PDZD7: variants seen among roughly 807,000 people sequenced by gnomAD.
PDZD7 encodes the protein PDZ domain-containing protein 7.
In PDZD7, 72 loss-of-function variants were observed where a neutral mutation model predicts 84.7. That is an observed-to-expected ratio of 0.85 (90% CI 0.70 to 1.03). The LOEUF (loss-of-function observed/expected upper bound fraction) is 1.03, where lower values mean the gene tolerates loss of function less well. PDZD7 is among the 50% of genes least tolerant of loss of function. The pLI is 0.00. For synonymous variants in PDZD7, 594 were observed against 580.7 expected, an observed-to-expected ratio of 1.02 and a Z score of -0.33; for missense variants, 1,490 against 1,412.9, an observed-to-expected ratio of 1.05 and a Z score of -0.87.
At chr10:101,027,116 C>A (rs972126872) in intron 2 of PDZD7, among the ~76,000 whole-genome samples, 72 of 152,288 alleles carry the variant, frequency 4.7e-4, no homozygotes, top group African/African-American at 1.7e-3. Context: ...TATACAGTAC[C>A]CAGAGTCAGC....
chr10:101,019,053 GC>G lies in PDZD7; in HGVS notation c.1092del (p.Arg365GlyfsTer74), dbSNP rs1852886072. ...TCCGTCTGCATGGCTGTGTCCGCCCGCCCCCAGCCTGGGCCGCGGCTGCCGG... is the reference window on the plus strand; with the variant it reads ...TCCGTCTGCATGGCTGTGTCCGCCCGCCCCAGCCTGGGCCGCGGCTGCCGG... Reference protein sequence around the residue: ...EEPGSRGPGWGRADTAMQTEP... With the variant: ...EEPGSRGPGWXRADTAMQTEP... On this transcript the variant is annotated frameshift_variant, in exon 8 of 17. Transcript: ENST00000619208. LOFTEE classifies it high-confidence loss of function. 6.3e-7 allele frequency: 1 copy of G among 1,576,240 alleles called. No homozygotes were observed. The highest frequency in any genetic ancestry group is 8.6e-7 in the Non-Finnish European group (1 of 1,166,516).
rs755453853 is a variant in PDZD7, at chr10:101,024,000, A to G, written c.295T>C (p.Phe99Leu). The change falls in exon 3 of 17, where the codon TTC (phenylalanine) becomes CTC (leucine). Residue 99 changes from phenylalanine (F) to leucine (L), a missense_variant. Transcript: ENST00000619208. ...VEKSPAGRLG[F>L]SVRGGSEHGL... ...TGCTCTGAGCCCCCGCGCACGCTGAAGCCCAGCCTCCCTGCTGGACTCTTC... is the reference window on the plus strand; with the variant it reads ...TGCTCTGAGCCCCCGCGCACGCTGAGGCCCAGCCTCCCTGCTGGACTCTTC... The G allele has an allele frequency of 6.2e-7, 1 of 1,614,244 alleles. No individual in the cohort carries two copies. The highest frequency in any genetic ancestry group is 1.1e-5 in the South Asian group (1 of 91,086).
intron 7 of PDZD7, among the ~76,000 whole-genome samples, chr10:101,019,560 TC>T (rs1852945001): frequency 3.7e-5 from 5 of 134,034 alleles, no homozygotes; most frequent in African/African-American, 1.5e-4. Context: ...CTCCTCCTCC[TC>T]CTCCTCCTCC....
At chr10:101,023,635 G>A (rs1303682722) in intron 3 of PDZD7, 25 bp from the exon 4 acceptor site, 2 of 1,608,400 alleles carry the variant, frequency 1.2e-6, no homozygotes, top group South Asian at 1.1e-5. Context: ...GGGAGTGGCT[G>A]GCATGGGTCC....
At chr10:101,019,752 A>C (rs1391723486) in intron 7 of PDZD7, among the ~76,000 whole-genome samples, 1 of 150,906 alleles carries the variant, frequency 6.6e-6, no homozygotes, top group East Asian at 2.0e-4. Flanking sequence ...CAGCTTCCCA[A>C]GTAGCTGGTA....
chr10:101,014,252 C>T (rs1192388895), intron 11 of PDZD7, among the ~76,000 whole-genome samples: 2 of 152,074 alleles, frequency 1.3e-5, no homozygotes, highest in Admixed American at 6.6e-5. Flanking sequence ...GGGCTACATG[C>T]CCCAGTCACT....
chr10:101,022,274 G>T lies in PDZD7; in HGVS notation c.654C>A (p.Asp218Glu), dbSNP rs757738368. 2 of 1,614,248 alleles carry T rather than the reference G, an allele frequency of 1.2e-6. No homozygotes were observed. Among genetic ancestry groups the T allele is most frequent in the Non-Finnish European group, 1.7e-6 (2 of 1,180,054 alleles). Residue 218 changes from aspartate to glutamate, a missense_variant, in exon 5 of 17, where the codon GAC becomes GAA. Coordinates refer to ENST00000619208, the MANE Select transcript of PDZD7 (RefSeq NM_001195263.2). ...GGATGTTGAAGCCCAGGCAGAAGTC[G>T]TCGGAGGTTGTGTATAGGTGGACGA... ...RRIVHLYTTS[D>E]DFCLGFNIRG...
At chr10:101,016,269 T>C in intron 10 of PDZD7, 108 bp downstream of exon 10, 2 of 1,166,910 alleles carry the variant, frequency 1.7e-6, no homozygotes, top group Non-Finnish European at 2.5e-6. Flanking sequence ...TCCCCCATGC[T>C]TGACCCTGAC....
In PDZD7 at chr10:101,008,578, G is replaced by T. The variant is rs1273046835; in HGVS notation, c.2991C>A (p.Pro997=). ...AHWLPEPPTN[P]QTPPTDARLL... is the part of the protein sequence containing the mutation. The stretch of plus-strand genomic sequence containing the variant: ...GCCTGGCATCAGTGGGAGGAGTCTG[G>T]GGATTGGTGGGAGGTTCTGGGAGCC... The change falls in exon 17 of 17, where the codon CCC becomes CCA. Residue 997 remains proline (P), a synonymous_variant. Transcript: ENST00000619208. The T allele has an allele frequency of 1.3e-6, 2 of 1,535,868 alleles. No individual in the cohort carries two copies. The highest frequency in any genetic ancestry group is 1.7e-6 in the Non-Finnish European group (2 of 1,146,862).
intron 2 of PDZD7, among the ~76,000 whole-genome samples, chr10:101,026,013 A>C (rs1937676727): frequency 6.6e-6 from 1 of 152,204 alleles, no homozygotes; most frequent in Non-Finnish European, 1.5e-5. Flanking sequence ...ACCTGGCTAC[A>C]AAGGGAAAGA....
At chr10:101,008,919 G>A in intron 16 of PDZD7, 69 bp from the exon 17 acceptor site, 1 of 1,438,086 alleles carries the variant, frequency 7.0e-7, no homozygotes, top group South Asian at 1.5e-5. Context: ...CAACCTGAAG[G>A]CAGCATCTTC....
intron 11 of PDZD7, among the ~76,000 whole-genome samples, chr10:101,014,359 C>G (rs1307352961): frequency 6.6e-6 from 1 of 152,010 alleles, no homozygotes; most frequent in African/African-American, 2.4e-5. Flanking sequence ...GGTGGTTGAG[C>G]TCGGCAGGTG....
At chr10:101,014,078 C>T (rs1418965003) in intron 11 of PDZD7, among the ~76,000 whole-genome samples, 2 of 150,678 alleles carry the variant, frequency 1.3e-5, no homozygotes, top group African/African-American at 2.4e-5. Context: ...AGGCTGGTCT[C>T]GAACTCCTGA....
chr10:101,021,825 G>A lies in PDZD7; in HGVS notation c.840C>T (p.Gly280=). 1 of 1,614,084 alleles carries A rather than the reference G, an allele frequency of 6.2e-7. No individual in the cohort carries two copies. The highest frequency in any genetic ancestry group is 1.6e-4 in the Middle Eastern group (1 of 6,062). The change falls in exon 6 of 17, where the codon GGC becomes GGT. Residue 280 remains glycine, a synonymous_variant. Coordinates refer to ENST00000619208, the MANE Select transcript of PDZD7 (RefSeq NM_001195263.2). ...TGATGGTCAGCATGATGTGCGTTTG[G>A]CCCTTCAGCACCTCCACGGCCTGGC... ...SHSQAVEVLK[G]QTHIMLTIKE...
Position 101,018,305 on chromosome 10 carries a change from A to T in PDZD7, c.1325-9T>A. The T allele has an allele frequency of 6.2e-7, 1 of 1,612,070 alleles. No individual in the cohort carries two copies. The highest frequency in any genetic ancestry group is 8.5e-7 in the Non-Finnish European group (1 of 1,179,438). ...CCGCTGCTGCTTCTCCTCTGCAGAC[A>T]CGAGGGAGCAACGGGGGAGCTGGAG... On this transcript the variant is annotated splice_polypyrimidine_tract_variant and intron_variant, in intron 8 of 16. Transcript: ENST00000619208.
chr10:101,022,436 C>G (rs906527590), intron 4 of PDZD7, 51 bp from the exon 5 acceptor site: 1 of 1,607,016 alleles, frequency 6.2e-7, no homozygotes, highest in African/African-American at 1.3e-5. Flanking sequence ...CACTGCCACC[C>G]ACCACCCTCC....
At chr10:101,024,251 TA>T (rs1417025713) in intron 2 of PDZD7, among the ~76,000 whole-genome samples, 183 bp from the exon 3 acceptor site, 2 of 152,164 alleles carry the variant, frequency 1.3e-5, no homozygotes, top group Admixed American at 6.5e-5. Context: ...ATTTTTATGT[TA>T]TTTTTTAAAG....
chr10:101,008,771 C>T lies in PDZD7; in HGVS notation c.2798G>A (p.Arg933Gln), dbSNP rs574483811. The T allele has an allele frequency of 5.2e-6, 8 of 1,535,356 alleles. No homozygotes were observed. Among genetic ancestry groups the T allele is most frequent in the African/African-American group, 2.7e-5 (2 of 73,082 alleles). The stretch of plus-strand genomic sequence containing the variant: ...CTCCCGGGCCTTGTTTCGATAAGCC[C>T]GACGGATGGTGTCTACTGCACGCTG... ...THQRAVDTIR[R>Q]AYRNKAREPM... The change falls in exon 17 of 17, where the codon CGG (arginine) becomes CAG (glutamine). Residue 933 changes from arginine (R) to glutamine (Q), a missense_variant. Arg to Gln is a conservative substitution (Grantham distance 43). Coordinates refer to ENST00000619208, the MANE Select transcript of PDZD7 (RefSeq NM_001195263.2).
chr10:101,011,511 G>C (rs2134002553), intron 14 of PDZD7, 179 bp downstream of exon 14: 2 of 1,431,170 alleles, frequency 1.4e-6, no homozygotes. Flanking sequence ...TAATAGTACA[G>C]GTGGTGACCA....
Sources: allele counts gnomAD v4.1 joint callset (sites outside exome capture counted in the v4.1 genomes callset), GRCh38; gene constraint gnomAD v4.1.1; transcripts MANE v1.5; gene names NCBI Gene and HGNC (gene_info 2026-07-23, HGNC 2026-07-21).